DLGAP1: variants seen among roughly 807,000 people sequenced by gnomAD.
The protein encoded by DLGAP1 is DLG associated protein 1.
DLGAP1 carries 11 observed loss-of-function variants against 90.8 expected under a neutral mutation model. The ratio of observed to expected loss-of-function variants is 0.12; its 90% CI spans 0.08 to 0.20. DLGAP1 has a LOEUF of 0.20. Ranked by LOEUF, DLGAP1 falls within the 10% of genes least tolerant of loss-of-function variation. The pLI is 1.00. For missense variants in DLGAP1, 1,050 were observed against 1,333.8 expected (o/e 0.79, Z 3.31); for synonymous variants, 558 against 540.7 (o/e 1.03, Z -0.44).
intron 1 of DLGAP1, among the ~76,000 whole-genome samples, chr18:4,287,173 G>GT (rs774356821): frequency 6.6e-6 from 1 of 152,150 alleles, no homozygotes; most frequent in Non-Finnish European, 1.5e-5. Context: ...ACATATAAAC[G>GT]TAAGTCTGAG....
chr18:3,792,535 CTT>C (rs1216706013), intron 5 of DLGAP1, among the ~76,000 whole-genome samples: 1 of 152,212 alleles, frequency 6.6e-6, no homozygotes, highest in Admixed American at 6.5e-5. Context: ...TTGATGGAAA[CTT>C]TGACCTCTTA....
chr18:3,587,617 T>C (rs1439551283), intron 7 of DLGAP1, among the ~76,000 whole-genome samples: 2 of 152,190 alleles, frequency 1.3e-5, no homozygotes, highest in Non-Finnish European at 2.9e-5. Flanking sequence ...TCCCCTTCCA[T>C]GCTGTGGAAG....
chr18:4,410,812 A>G (rs547423820), intron 1 of DLGAP1, among the ~76,000 whole-genome samples: 3 of 152,270 alleles, frequency 2.0e-5, no homozygotes, highest in South Asian at 4.1e-4. Context: ...ACATCGATGG[A>G]TCTCACAATT....
rs553648717 is a variant in DLGAP1, at chr18:3,532,433, G to A, written c.2479+1761C>T. On this transcript the variant is annotated intron_variant, in intron 10 of 12. Transcript: ENST00000315677. ...CGTCTCTACTAAAAATACCAAAGTA[G>A]CTGGGTGTGGTGGCACATGCCTGTA... is the stretch of plus-strand genomic sequence containing the variant. Among the ~76,000 whole-genome samples, 6 of 152,124 alleles carry A rather than the reference G, an allele frequency of 3.9e-5. No individual in the cohort carries two copies. In the South Asian group the frequency reaches 1.2e-3, roughly 32 times the overall value.
rs537848318 is a variant in DLGAP1 at position 4,026,280 on chromosome 18, G to A, written c.-158-21079C>T. 3.5e-4 allele frequency among the ~76,000 whole-genome samples: 54 copies of A among 152,258 alleles called. No homozygotes were observed. In the South Asian group the frequency reaches 6.4e-3, roughly 18 times the overall value. ...CAGTGGGTGGATTTTTCACTAAAAGGGTCATACAGATGTCTAGGTTTTTCA... is the reference window on the plus strand; with the variant it reads ...CAGTGGGTGGATTTTTCACTAAAAGAGTCATACAGATGTCTAGGTTTTTCA... On this transcript the variant is annotated intron_variant, in intron 2 of 12. Coordinates refer to ENST00000315677, the MANE Select transcript of DLGAP1 (RefSeq NM_004746.4).
At chr18:4,442,395 C>T (rs2083558196) in intron 1 of DLGAP1, among the ~76,000 whole-genome samples, 2 of 152,280 alleles carry the variant, frequency 1.3e-5, no homozygotes, top group African/African-American at 2.4e-5. Flanking sequence ...AATATACTCA[C>T]TATTATTTAT....
At chr18:4,112,019 G>T (rs1022152819) in intron 2 of DLGAP1, among the ~76,000 whole-genome samples, 1 of 151,454 alleles carries the variant, frequency 6.6e-6, no homozygotes, top group African/African-American at 2.4e-5. Context: ...TAAGATGGAA[G>T]ATGGTTATTT....
chr18:4,386,875 T>C (rs2082239504), intron 1 of DLGAP1, among the ~76,000 whole-genome samples: 1 of 152,076 alleles, frequency 6.6e-6, no homozygotes, highest in African/African-American at 2.4e-5. Flanking sequence ...GAAAGAAAGA[T>C]AGGAGAGCAT....
chr18:4,287,521 G>A (rs564264274), intron 1 of DLGAP1, among the ~76,000 whole-genome samples: 1 of 152,260 alleles, frequency 6.6e-6, no homozygotes, highest in South Asian at 2.1e-4. Context: ...CCATAAAAAA[G>A]AATGAGTTCA....
At chr18:4,102,338 C>T (rs1403341732) in intron 2 of DLGAP1, among the ~76,000 whole-genome samples, 6 of 152,064 alleles carry the variant, frequency 3.9e-5, no homozygotes, top group South Asian at 4.1e-4. Context: ...ACTCAGGATT[C>T]GAGGTGGGTT....
At chr18:3,895,309 ACACACACAC>A (rs1383780225) in intron 3 of DLGAP1, among the ~76,000 whole-genome samples, 5 of 150,942 alleles carry the variant, frequency 3.3e-5, no homozygotes, top group African/African-American at 7.4e-5. Context: ...ACACACACAC[ACACACACAC>A]ACATCATCAT....
At chr18:3,944,777 C>T (rs771234689) in intron 3 of DLGAP1, among the ~76,000 whole-genome samples, 1 of 152,150 alleles carries the variant, frequency 6.6e-6, no homozygotes, top group Non-Finnish European at 1.5e-5. Context: ...GAGTTCCTTG[C>T]TGTACTTCTA....
chr18:3,947,645 G>A (rs950582504), intron 3 of DLGAP1, among the ~76,000 whole-genome samples: 2 of 152,190 alleles, frequency 1.3e-5, no homozygotes, highest in Non-Finnish European at 2.9e-5. Flanking sequence ...TGAGGTTTAA[G>A]GGGACTCCCC....
intron 1 of DLGAP1, among the ~76,000 whole-genome samples, chr18:4,334,928 C>A (rs1320069469): frequency 6.6e-6 from 1 of 151,864 alleles, no homozygotes; most frequent in Non-Finnish European, 1.5e-5. Flanking sequence ...AAGAGAAATC[C>A]TAACAAGCTT....
chr18:4,317,916 C>T (rs1476838989), intron 1 of DLGAP1, among the ~76,000 whole-genome samples: 1 of 151,670 alleles, frequency 6.6e-6, no homozygotes, highest in African/African-American at 2.4e-5. Flanking sequence ...GGTGTGATCT[C>T]GGCTCACTGC....
intron 4 of DLGAP1, among the ~76,000 whole-genome samples, chr18:3,858,611 G>A (rs1160239858): frequency 6.6e-6 from 1 of 151,728 alleles, no homozygotes; most frequent in Non-Finnish European, 1.5e-5. Flanking sequence ...TATAGATACT[G>A]GAAGGGGATT....
intron 11 of DLGAP1, among the ~76,000 whole-genome samples, chr18:3,503,821 C>T (rs1050844375): frequency 6.6e-6 from 1 of 152,180 alleles, no homozygotes; most frequent in Admixed American, 6.5e-5. Context: ...GAAGTCTGGG[C>T]GTGGTGGCTC....
chr18:3,650,114 G>T (rs2059244427), intron 7 of DLGAP1, among the ~76,000 whole-genome samples: 1 of 152,056 alleles, frequency 6.6e-6, no homozygotes, highest in South Asian at 2.1e-4. Context: ...CACAATCTCG[G>T]CTCACCGCAA....
rs575293312 is a variant in DLGAP1, at chr18:4,205,370, G to A, written c.-266-54083C>T. On this transcript the variant is annotated intron_variant, in intron 1 of 12. Coordinates refer to ENST00000315677, the MANE Select transcript of DLGAP1 (RefSeq NM_004746.4). ...AGTGGATGGGATAGGAGGGGGCGAT[G>A]AGAAGCTATGGTTGGTCTGTGAAGG... 9.8e-5 allele frequency among the ~76,000 whole-genome samples: 15 copies of A among 152,322 alleles called. No individual in the cohort carries two copies. In the East Asian group the frequency reaches 1.7e-3, roughly 18 times the overall value.
Sources: gnomAD v4.1 joint callset for allele counts (sites outside exome capture counted in the v4.1 genomes callset) on GRCh38, gnomAD v4.1.1 for gene constraint, MANE v1.5 for transcripts, NCBI Gene and HGNC (gene_info 2026-07-23, HGNC 2026-07-21) for gene names.